The following GPHN variants were observed in gnomAD, a reference collection of about 807,000 sequenced individuals.
The protein encoded by GPHN is gephyrin.
Under a neutral mutation model 95.5 loss-of-function variants are expected in GPHN, and 17 were observed. That is an observed-to-expected ratio of 0.18 (90% CI 0.12 to 0.27). GPHN has a LOEUF of 0.27. GPHN is among the 10% of genes least tolerant of loss of function. The probability of loss-of-function intolerance (pLI) is 1.00; values close to 1 mark genes in which losing one functional copy is unlikely to be tolerated. For missense variants in GPHN, 660 were observed against 978.1 expected (o/e 0.67, Z 4.34); for synonymous variants, 320 against 322.5 (o/e 0.99, Z 0.08).
chr14:66,736,513 C>T (rs1006488851), intron 2 of GPHN, among the ~76,000 whole-genome samples: 1 of 151,516 alleles, frequency 6.6e-6, no homozygotes, highest in Non-Finnish European at 1.5e-5. Context: ...ATTCTCCTGC[C>T]TCAGCCTCCT....
chr14:67,323,261 G>GTATGTATATA, the GPHN span, among the ~76,000 whole-genome samples: 1 of 124,140 alleles, frequency 8.1e-6, no homozygotes, highest in African/African-American at 2.7e-5. Context: ...GTGTGTGTGT[G>GTATGTATATA]TATATATATA....
chr14:66,546,655 G>A (rs2059613326), intron 1 of GPHN, among the ~76,000 whole-genome samples: 1 of 151,934 alleles, frequency 6.6e-6, no homozygotes. Context: ...GCCTGCAATC[G>A]CAGGCACTCA....
chr14:67,410,374 G>A, the GPHN span, among the ~76,000 whole-genome samples: 10 of 152,210 alleles, frequency 6.6e-5, no homozygotes, highest in South Asian at 2.1e-4. Flanking sequence ...AAAAAGCCCC[G>A]TGCCCAGCTC....
At chr14:67,358,601 G>A in the GPHN span, among the ~76,000 whole-genome samples, 419 of 152,298 alleles carry the variant, frequency 2.8e-3, 2 homozygotes, top group Non-Finnish European at 4.2e-3. Context: ...CAGGGAGGCT[G>A]AGGCCGGAGG....
intron 2 of GPHN, 25 bp downstream of exon 2, chr14:66,681,210 A>G (rs2066914516): frequency 7.4e-7 from 1 of 1,353,576 alleles, no homozygotes; most frequent in Non-Finnish European, 1.1e-6. Context: ...TTCAGTATTA[A>G]GTATAAATTA....
At chr14:67,470,091 G>A in the GPHN span, among the ~76,000 whole-genome samples, 66 of 152,124 alleles carry the variant, frequency 4.3e-4, 1 homozygote, top group African/African-American at 1.5e-3. Context: ...GAGTGTCAGA[G>A]TAGAGACAGC....
chr14:67,624,559 A>T, the GPHN span, among the ~76,000 whole-genome samples: 1 of 152,168 alleles, frequency 6.6e-6, no homozygotes, highest in Non-Finnish European at 1.5e-5. Context: ...GCGAAGAGGG[A>T]GGTGATACAC....
the GPHN span, chr14:67,695,618 A>G: frequency 6.2e-7 from 1 of 1,612,530 alleles, no homozygotes; most frequent in Non-Finnish European, 8.5e-7. Flanking sequence ...AAGGCAATAC[A>G]TTTGCACAGA....
At chr14:66,529,030 T>G (rs1188562768) in intron 1 of GPHN, among the ~76,000 whole-genome samples, 3 of 152,196 alleles carry the variant, frequency 2.0e-5, no homozygotes, top group African/African-American at 7.2e-5. Context: ...GTTGAGGAAG[T>G]TCTCCTGGAT....
At chr14:67,587,672 G>A in the GPHN span, 23 of 198,292 alleles carry the variant, frequency 1.2e-4, no homozygotes, top group African/African-American at 4.5e-4. Context: ...CTCAGCCTTC[G>A]GAGTGGCTGG....
At chr14:66,848,052 G>A (rs566657361) in intron 4 of GPHN, among the ~76,000 whole-genome samples, 1 of 152,162 alleles carries the variant, frequency 6.6e-6, no homozygotes, top group East Asian at 1.9e-4. Flanking sequence ...TACCTGAAAA[G>A]TGCACTAGTT....
the GPHN span, among the ~76,000 whole-genome samples, chr14:67,195,789 G>C: frequency 6.6e-6 from 1 of 150,504 alleles, no homozygotes. Flanking sequence ...TGTCGCCCAG[G>C]CTGGAGTGCA....
At chr14:67,223,914 A>C in the GPHN span, 1 of 985,184 alleles carries the variant, frequency 1.0e-6, no homozygotes, top group African/African-American at 1.7e-5. Context: ...TCATTTTATT[A>C]AATGTAATTG....
At position 66,637,146 on chromosome 14, in the gene GPHN, C is replaced by A. The variant is rs76107460; in HGVS notation, c.65-43961C>A. On this transcript the variant is annotated intron_variant, in intron 1 of 22. Transcript: ENST00000478722. The stretch of plus-strand genomic sequence containing the variant: ...CTTTATTTAGCTTGGCTCTTCAATT[C>A]ATTGGTTATTGATATTAAGATTTTG... 3.6e-3 allele frequency among the ~76,000 whole-genome samples: 555 copies of A among 152,118 alleles called. 12 individuals carry two copies. The highest frequency in any genetic ancestry group is 0.013 in the African/African-American group (529 of 41,522).
chr14:66,848,313 A>T (rs2062423735), intron 4 of GPHN, among the ~76,000 whole-genome samples: 1 of 152,072 alleles, frequency 6.6e-6, no homozygotes, highest in Admixed American at 6.6e-5. Flanking sequence ...CGCCCTACAG[A>T]GTTCTTAAGC....
chr14:67,693,429 A>G, the GPHN span, among the ~76,000 whole-genome samples: 40 of 152,240 alleles, frequency 2.6e-4, no homozygotes, highest in Non-Finnish European at 2.9e-4. Flanking sequence ...TCTGTCCACA[A>G]CTGGCATTTT....
At chr14:67,354,182 C>A in the GPHN span, among the ~76,000 whole-genome samples, 6 of 152,084 alleles carry the variant, frequency 3.9e-5, no homozygotes, top group East Asian at 1.2e-3. Context: ...TAGATTTCTA[C>A]CATCAGTGTT....
At chr14:66,900,767 A>G (rs1377694913) in intron 5 of GPHN, among the ~76,000 whole-genome samples, 1 of 151,838 alleles carries the variant, frequency 6.6e-6, no homozygotes, top group Non-Finnish European at 1.5e-5. Flanking sequence ...TAGATACTGC[A>G]TTTTCTTTAT....
At chr14:67,623,780 G>A in the GPHN span, among the ~76,000 whole-genome samples, 1 of 152,072 alleles carries the variant, frequency 6.6e-6, no homozygotes, top group Non-Finnish European at 1.5e-5. Flanking sequence ...GACCTCAGGT[G>A]ATCTGCCCAT....
Sources: allele counts gnomAD v4.1 joint callset (sites outside exome capture counted in the v4.1 genomes callset), GRCh38; gene constraint gnomAD v4.1.1; transcripts MANE v1.5; gene names NCBI Gene and HGNC (gene_info 2026-07-23, HGNC 2026-07-21).